Variants in LEF1 observed in about 807,000 individuals in gnomAD.
LEF1 encodes the protein lymphoid enhancer-binding factor 1.
Under a neutral mutation model 51.2 loss-of-function variants are expected in LEF1, and 14 were observed. That is an observed-to-expected ratio of 0.27 (90% CI 0.18 to 0.43). LEF1 has a LOEUF of 0.43. Among genes scored for constraint, LEF1 ranks in the 20% least tolerant of loss-of-function variants. The pLI, the probability that LEF1 is intolerant of heterozygous loss-of-function variation, is 1.00. For missense variants in LEF1, 386 were observed against 512.0 expected, an observed-to-expected ratio of 0.75 and a Z score of 2.37; for synonymous variants, 185 against 183.2, an observed-to-expected ratio of 1.01 and a Z score of -0.08.
intron 3 of LEF1, among the ~76,000 whole-genome samples, chr4:108,131,019 C>T (rs1742850414): frequency 6.6e-6 from 1 of 150,990 alleles, no homozygotes; most frequent in African/African-American, 2.4e-5. Context: ...TTTTATTTAT[C>T]TTTTTTTTTA....
At chr4:108,069,599 A>G (rs1738317483) in intron 9 of LEF1, among the ~76,000 whole-genome samples, 1 of 152,218 alleles carries the variant, frequency 6.6e-6, no homozygotes, top group Non-Finnish European at 1.5e-5. Context: ...TCACCTGAAT[A>G]CACTGTTTAT....
intron 3 of LEF1, among the ~76,000 whole-genome samples, chr4:108,131,536 A>C (rs963914340): frequency 6.6e-6 from 1 of 152,192 alleles, no homozygotes; most frequent in Non-Finnish European, 1.5e-5. Context: ...GAAACACTCT[A>C]AACTCAAGCA....
intron 3 of LEF1, among the ~76,000 whole-genome samples, chr4:108,135,294 C>T (rs1244803588): frequency 1.1e-4 from 16 of 152,180 alleles, no homozygotes; most frequent in Admixed American, 1.0e-3. Flanking sequence ...TACTTCAAAA[C>T]CCAAACTTTT....
intron 9 of LEF1, among the ~76,000 whole-genome samples, 196 bp from the exon 10 acceptor site, chr4:108,064,580 C>G (rs1737923664): frequency 6.6e-6 from 1 of 152,014 alleles, no homozygotes; most frequent in Admixed American, 6.6e-5. Flanking sequence ...TGACCTTTGT[C>G]TCTATAGCTT....
At chr4:108,093,899 CT>C in intron 3 of LEF1, among the ~76,000 whole-genome samples, 1 of 152,214 alleles carries the variant, frequency 6.6e-6, no homozygotes, top group East Asian at 1.9e-4. Flanking sequence ...GCAATTAACA[CT>C]TACCAACTGC....
chr4:108,147,655 T>C (rs973085791), intron 3 of LEF1, among the ~76,000 whole-genome samples: 5 of 152,258 alleles, frequency 3.3e-5, no homozygotes, highest in African/African-American at 7.2e-5. Context: ...CAGTCCTATG[T>C]TGACACCTTA....
intron 1 of LEF1, among the ~76,000 whole-genome samples, chr4:108,165,851 C>A (rs1415814562): frequency 6.6e-6 from 1 of 152,166 alleles, no homozygotes; most frequent in African/African-American, 2.4e-5. Context: ...GCCTCAAACA[C>A]GTGCAAATCA....
intron 4 of LEF1, 95 bp from the exon 5 acceptor site, chr4:108,083,541 C>A: frequency 1.4e-6 from 1 of 699,760 alleles, no homozygotes; most frequent in South Asian, 2.1e-5. Flanking sequence ...ACTTAAGGTT[C>A]AGAATGAAAC....
chr4:108,088,505 C>T (rs1739795746), intron 4 of LEF1, among the ~76,000 whole-genome samples: 1 of 152,202 alleles, frequency 6.6e-6, no homozygotes, highest in Admixed American at 6.5e-5. Flanking sequence ...TACCCGTACA[C>T]ATCAGGCAGA....
chr4:108,149,428 C>T (rs1324606196), intron 3 of LEF1, among the ~76,000 whole-genome samples: 43 of 118,290 alleles, frequency 3.6e-4, no homozygotes, highest in African/African-American at 9.7e-4. Flanking sequence ...CACTGCACTC[C>T]AGCCTGGGCG....
At chr4:108,066,054 T>C (rs1476098127) in intron 9 of LEF1, among the ~76,000 whole-genome samples, 1 of 152,158 alleles carries the variant, frequency 6.6e-6, no homozygotes, top group Non-Finnish European at 1.5e-5. Flanking sequence ...AGGCGCATGC[T>C]ACCATGCCTG....
At chr4:108,151,813 T>C (rs1220837108) in intron 3 of LEF1, among the ~76,000 whole-genome samples, 1 of 152,206 alleles carries the variant, frequency 6.6e-6, no homozygotes, top group Non-Finnish European at 1.5e-5. Context: ...ATTTTGGCTT[T>C]GCGATTCCAT....
chr4:108,137,327 G>A (rs970445526), intron 3 of LEF1, among the ~76,000 whole-genome samples: 2 of 152,140 alleles, frequency 1.3e-5, no homozygotes, highest in Non-Finnish European at 2.9e-5. Flanking sequence ...CACTGCTCTG[G>A]TGATGGATAC....
At chr4:108,142,911 A>G (rs1346846092) in intron 3 of LEF1, among the ~76,000 whole-genome samples, 1 of 152,244 alleles carries the variant, frequency 6.6e-6, no homozygotes, top group Non-Finnish European at 1.5e-5. Context: ...CTTTTCACAA[A>G]GATTTAATAT....
chr4:108,132,515 GTTTTC>G (rs1233815619), intron 3 of LEF1, among the ~76,000 whole-genome samples: 1 of 151,902 alleles, frequency 6.6e-6, no homozygotes, highest in Non-Finnish European at 1.5e-5. Flanking sequence ...CCCTCCAGAG[GTTTTC>G]TTTATGAAAA....
intron 4 of LEF1, 106 bp from the exon 5 acceptor site, chr4:108,083,552 A>T (rs1374976799): frequency 3.0e-6 from 2 of 666,982 alleles, no homozygotes; most frequent in Admixed American, 3.4e-5. Context: ...AGAATGAAAC[A>T]ATATTTATTC....
chr4:108,122,990 A>C (rs777678967), intron 3 of LEF1, among the ~76,000 whole-genome samples: 16 of 152,214 alleles, frequency 1.1e-4, no homozygotes, highest in Non-Finnish European at 2.1e-4. Flanking sequence ...ACTCAACTGC[A>C]TATGTTGACT....
At chr4:108,075,492 AAAAC>A (rs1738797595) in intron 8 of LEF1, 1 of 152,248 alleles carries the variant, frequency 6.6e-6, no homozygotes, top group African/African-American at 2.4e-5. Flanking sequence ...AGAGGTTGCA[AAAAC>A]AAACACAGGG....
chr4:108,163,471 A>G lies in LEF1; in HGVS notation c.414+97T>C. 2.3e-6 allele frequency: 3 copies of G among 1,317,092 alleles called. No individual in the cohort carries two copies. The South Asian group carries it at 4.1e-5, about 18-fold the overall frequency. 81.6% of individuals were successfully genotyped at this position (1,317,092 alleles called of 1,614,324 possible). ...AGCAACGACTAGTTATATATAATGAAAGCATTACCAATGAGTTTGGAAAAA... is the reference window on the plus strand; with the variant it reads ...AGCAACGACTAGTTATATATAATGAGAGCATTACCAATGAGTTTGGAAAAA... On this transcript the variant is annotated intron_variant, in intron 3 of 11. Transcript: ENST00000265165.
Sources: allele counts gnomAD v4.1 joint callset (sites outside exome capture counted in the v4.1 genomes callset), GRCh38; gene constraint gnomAD v4.1.1; transcripts MANE v1.5; gene names NCBI Gene and HGNC (gene_info 2026-07-23, HGNC 2026-07-21).